Variants in FAR2 observed in about 807,000 individuals in gnomAD.
FAR2 encodes the protein epididymis secretory protein Li 81.
Under a neutral mutation model 56.0 loss-of-function variants are expected in FAR2, and 19 were observed. That is an observed-to-expected ratio of 0.34 (90% CI 0.24 to 0.50). The LOEUF is 0.50. Ranked by LOEUF, FAR2 falls within the 20% of genes least tolerant of loss-of-function variation. FAR2 has a pLI of 0.98. For synonymous variants in FAR2, 219 were observed against 218.8 expected (o/e 1.00, Z -0.01); for missense variants, 508 against 642.2 (o/e 0.79, Z 2.26).
chr12:29,327,216 A>C (rs1949663593), intron 10 of FAR2, among the ~76,000 whole-genome samples: 2 of 152,246 alleles, frequency 1.3e-5, no homozygotes, highest in Admixed American at 1.3e-4. Flanking sequence ...GGACCTCTTC[A>C]AGGAAAACTA....
intron 10 of FAR2, among the ~76,000 whole-genome samples, chr12:29,329,654 A>G (rs1225943196): frequency 2.0e-5 from 3 of 152,238 alleles, no homozygotes; most frequent in Non-Finnish European, 4.4e-5. Context: ...AATCAAAGTG[A>G]TAATGGAATT....
chr12:29,186,988 C>A (rs1950050470), intron 1 of FAR2, among the ~76,000 whole-genome samples: 1 of 152,062 alleles, frequency 6.6e-6, no homozygotes, highest in Non-Finnish European at 1.5e-5. Context: ...CGGGGTTTCA[C>A]CGTGTTAGCC....
chr12:29,234,398 T>C (rs781696687), intron 1 of FAR2, among the ~76,000 whole-genome samples: 1 of 152,186 alleles, frequency 6.6e-6, no homozygotes, highest in Non-Finnish European at 1.5e-5. Context: ...CCTCACCTTC[T>C]ACATCCAGTA....
intron 1 of FAR2, among the ~76,000 whole-genome samples, chr12:29,168,592 C>T (rs745408161): frequency 9.9e-5 from 15 of 152,214 alleles, no homozygotes; most frequent in Non-Finnish European, 1.9e-4. Flanking sequence ...CGCGGACCTT[C>T]GCGGTGAGTG....
At chr12:29,182,077 C>T (rs1384517001) in intron 1 of FAR2, among the ~76,000 whole-genome samples, 2 of 152,226 alleles carry the variant, frequency 1.3e-5, no homozygotes, top group African/African-American at 4.8e-5. Flanking sequence ...TCCTTGGGTA[C>T]TAACACTACT....
intron 1 of FAR2, among the ~76,000 whole-genome samples, chr12:29,183,332 A>G (rs539994189): frequency 1.6e-4 from 25 of 152,072 alleles, no homozygotes; most frequent in African/African-American, 5.1e-4. Flanking sequence ...TCCCCTTTCA[A>G]TTATTATCAC....
intron 1 of FAR2, among the ~76,000 whole-genome samples, chr12:29,263,687 T>C (rs529049737): frequency 8.4e-4 from 118 of 139,716 alleles, no homozygotes; most frequent in Middle Eastern, 7.4e-3. Context: ...CCTAAACATG[T>C]ACAACGTACT....
chr12:29,293,106 A>T (rs1399134142), intron 2 of FAR2, 194 bp from the exon 3 acceptor site: 4 of 418,106 alleles, frequency 9.6e-6, no homozygotes, highest in Non-Finnish European at 1.7e-5. Context: ...GGCTCAAGTG[A>T]TCTCCCTGCT....
At chr12:29,197,246 C>T (rs911630744) in intron 1 of FAR2, among the ~76,000 whole-genome samples, 2 of 152,158 alleles carry the variant, frequency 1.3e-5, no homozygotes, top group African/African-American at 4.8e-5. Flanking sequence ...TCATTATTGA[C>T]TGGCTATGTT....
chr12:29,254,381 G>A (rs1948281024), intron 1 of FAR2, among the ~76,000 whole-genome samples: 1 of 152,096 alleles, frequency 6.6e-6, no homozygotes, highest in Non-Finnish European at 1.5e-5. Context: ...GTTTTTGTTT[G>A]CTTTAAGCAA....
chr12:29,295,078 A>AT (rs1242260947), intron 3 of FAR2, among the ~76,000 whole-genome samples: 5 of 151,770 alleles, frequency 3.3e-5, no homozygotes, highest in African/African-American at 4.8e-5. Context: ...ACAGCACTGT[A>AT]TTTTTTTCTT....
intron 1 of FAR2, among the ~76,000 whole-genome samples, chr12:29,255,554 A>G (rs1351089676): frequency 6.6e-6 from 1 of 152,234 alleles, no homozygotes; most frequent in East Asian, 1.9e-4. Context: ...AAATTTTTTT[A>G]TACTCCTAGT....
At position 29,311,922 on chromosome 12, in the gene FAR2, C is replaced by T; in HGVS notation, c.927C>T (p.Asn309=). The T allele has an allele frequency of 6.2e-7, 1 of 1,611,538 alleles. No homozygotes were observed. Among genetic ancestry groups the T allele is most frequent in the Non-Finnish European group, 8.5e-7 (1 of 1,178,640 alleles). Residue 309 remains asparagine (N), a synonymous_variant, in exon 8 of 12, where the codon AAC becomes AAT. Coordinates refer to ENST00000536681, the MANE Select transcript of FAR2 (RefSeq NM_001271783.2). ...STLVYHITSG[N]MNPCNWHKMG... is the part of the protein sequence containing the mutation. ...TAGTCTACCACATTACATCTGGTAA[C>T]ATGAATCCCTGCAATTGGCACAAAA...
chr12:29,327,528 A>G (rs529106620), intron 10 of FAR2, among the ~76,000 whole-genome samples: 2 of 152,330 alleles, frequency 1.3e-5, no homozygotes, highest in East Asian at 3.9e-4. Flanking sequence ...AGTAACCAAA[A>G]CAGCATGGTA....
At chr12:29,257,527 T>G (rs964718549) in intron 1 of FAR2, among the ~76,000 whole-genome samples, 5 of 152,200 alleles carry the variant, frequency 3.3e-5, no homozygotes, top group African/African-American at 1.2e-4. Flanking sequence ...CTTTCGCTCT[T>G]TGCAATAAAT....
rs1293065370 is a variant in FAR2, at chr12:29,333,651, C to T, written c.1405C>T (p.Leu469Phe). The change falls in exon 12 of 12, where the codon CTC becomes TTC. Residue 469 changes from leucine to phenylalanine, a missense_variant. By Grantham distance (22) the Leu-to-Phe change is conservative. Transcript: ENST00000536681. ...RLKRLRNIHYLFNTALFLIAW... is the reference protein window; with the variant it reads ...RLKRLRNIHYFFNTALFLIAW... ...CCCTAGGCTCCGAAATATTCACTAC[C>T]TCTTTAATACTGCCCTCTTCCTTAT... 3 of 1,613,296 alleles carry T rather than the reference C, an allele frequency of 1.9e-6. No homozygotes were observed.
At chr12:29,276,955 T>A (rs924482167) in intron 2 of FAR2, among the ~76,000 whole-genome samples, 6 of 150,776 alleles carry the variant, frequency 4.0e-5, no homozygotes, top group Admixed American at 2.0e-4. Context: ...AAAAAAAAAA[T>A]AGATAAAATA....
chr12:29,168,124 A>T lies in FAR2; in HGVS notation c.-39+18717A>T, dbSNP rs557540595. On this transcript the variant is annotated intron_variant, in intron 1 of 11. Coordinates refer to ENST00000536681, the MANE Select transcript of FAR2 (RefSeq NM_001271783.2). ...ACGTGTCAGTCAAGAGTAAACACAG[A>T]TGCCAGGGAAGTCTTTCCTGCACAG... 5.3e-5 allele frequency among the ~76,000 whole-genome samples: 8 copies of T among 152,316 alleles called. No individual in the cohort carries two copies. In the South Asian group the frequency reaches 1.0e-3, roughly 20 times the overall value.
At chr12:29,305,012 G>A (rs891235325) in intron 4 of FAR2, among the ~76,000 whole-genome samples, 2 of 152,222 alleles carry the variant, frequency 1.3e-5, no homozygotes, top group Non-Finnish European at 2.9e-5. Flanking sequence ...ACCAGTGGAT[G>A]TGCATGTTTA....
Sources: allele counts gnomAD v4.1 joint callset (sites outside exome capture counted in the v4.1 genomes callset), GRCh38; gene constraint gnomAD v4.1.1; transcripts MANE v1.5; gene names NCBI Gene and HGNC (gene_info 2026-07-23, HGNC 2026-07-21).